DNAJC3: variants seen among roughly 807,000 people sequenced by gnomAD.
DNAJC3 encodes the protein dnaJ homolog subfamily C member 3.
A neutral mutation model predicts 68.6 loss-of-function variants in DNAJC3; 38 were observed. The observed-to-expected ratio is 0.55, with a 90% confidence interval of 0.43 to 0.73. The LOEUF (loss-of-function observed/expected upper bound fraction) is 0.73. Ranked by LOEUF, DNAJC3 falls within the 30% of genes least tolerant of loss-of-function variation. DNAJC3 has a pLI of 0.00. For synonymous variants in DNAJC3, 203 were observed against 204.0 expected (o/e 1.00, Z 0.04); for missense variants, 526 against 591.9 (o/e 0.89, Z 1.16).
intron 1 of DNAJC3, among the ~76,000 whole-genome samples, chr13:95,701,643 T>A (rs1880588605): frequency 6.6e-6 from 1 of 152,224 alleles, no homozygotes; most frequent in South Asian, 2.1e-4. Flanking sequence ...GAGGTATACA[T>A]ATGAAACAAC....
intron 4 of DNAJC3, among the ~76,000 whole-genome samples, chr13:95,734,389 T>G (rs9584319): frequency 0.031 from 4,757 of 152,332 alleles, 245 homozygotes; most frequent in African/African-American, 0.11. Flanking sequence ...ATAATCCCGA[T>G]AGTCCAATGG....
intron 9 of DNAJC3, among the ~76,000 whole-genome samples, chr13:95,765,567 GTTTTTTTT>G: frequency 9.8e-6 from 1 of 102,336 alleles, no homozygotes; most frequent in East Asian, 2.9e-4. Context: ...TAATTGATCT[GTTTTTTTT>G]TTTTTTTTTT....
intron 9 of DNAJC3, among the ~76,000 whole-genome samples, chr13:95,773,622 G>A (rs985850797): frequency 4.6e-5 from 7 of 150,724 alleles, no homozygotes; most frequent in Admixed American, 4.0e-4. Flanking sequence ...ATTATTTAAT[G>A]TCTATAAGGT....
chr13:95,756,574 T>C (rs193087424), intron 4 of DNAJC3, among the ~76,000 whole-genome samples: 1 of 152,324 alleles, frequency 6.6e-6, no homozygotes, highest in East Asian at 1.9e-4. Flanking sequence ...AGGTTGGTAG[T>C]GGGAGTATAT....
intron 1 of DNAJC3, among the ~76,000 whole-genome samples, chr13:95,685,047 C>T (rs910009525): frequency 1.3e-5 from 2 of 152,276 alleles, no homozygotes; most frequent in African/African-American, 2.4e-5. Context: ...CACTGGGGCA[C>T]TGCCTAGTGG....
intron 4 of DNAJC3, among the ~76,000 whole-genome samples, chr13:95,756,355 C>T (rs1882661471): frequency 6.6e-6 from 1 of 152,168 alleles, no homozygotes; most frequent in Admixed American, 6.5e-5. Context: ...CCGGGAAACC[C>T]TCCCCCAGAG....
rs1320706180 is a variant in DNAJC3 at position 95,793,840 on chromosome 13, CTT to C, written c.*2811_*2812del. On this transcript the variant is annotated 3_prime_UTR_variant, in exon 12 of 12. Coordinates refer to ENST00000602402, the MANE Select transcript of DNAJC3 (RefSeq NM_006260.5). The stretch of plus-strand genomic sequence containing the variant: ...CTAGCCACAGCTGTTGTATTCTGCT[CTT>C]CTTTCCTTTTTGGTGAGCTTCATGG... 1.3e-5 allele frequency: 2 copies of C among 152,246 alleles called. No homozygotes were observed. Among genetic ancestry groups the C allele is most frequent in the Admixed American group, 6.6e-5 (1 of 15,266 alleles). 9.4% of individuals were successfully genotyped at this position (152,246 alleles called of 1,614,324 possible). A position where few individuals can be genotyped will look rare whatever the true frequency, so the allele number is the denominator to read the frequency against.
chr13:95,702,490 A>C (rs907405387), intron 1 of DNAJC3, among the ~76,000 whole-genome samples: 1 of 152,192 alleles, frequency 6.6e-6, no homozygotes, highest in Non-Finnish European at 1.5e-5. Flanking sequence ...GTTGAAACCT[A>C]ATCTGATGTG....
chr13:95,737,501 CTGT>C (rs1361508022), intron 4 of DNAJC3, among the ~76,000 whole-genome samples: 2 of 151,594 alleles, frequency 1.3e-5, no homozygotes, highest in African/African-American at 4.9e-5. Flanking sequence ...ATTTCAGCTC[CTGT>C]TATTGGTCTA....
rs151274177 is a variant in DNAJC3, at chr13:95,714,114, G to A, written c.193+4777G>A. On this transcript the variant is annotated intron_variant, in intron 2 of 11. Transcript: ENST00000602402. ...AAAAGGGAAACATTTTAATCTTGGCGTTGCCACTGGGTAATCCTGTGACAT... is the reference window on the plus strand; with the variant it reads ...AAAAGGGAAACATTTTAATCTTGGCATTGCCACTGGGTAATCCTGTGACAT... Among the ~76,000 whole-genome samples the A allele has an allele frequency of 2.4e-3, 358 of 152,282 alleles. 5 individuals are homozygous for A. The highest frequency in any genetic ancestry group is 0.01 in the Middle Eastern group (3 of 294).
chr13:95,736,143 GT>G (rs1881909557), intron 4 of DNAJC3, among the ~76,000 whole-genome samples: 1 of 151,942 alleles, frequency 6.6e-6, no homozygotes, highest in Admixed American at 6.6e-5. Context: ...GATATGCGGC[GT>G]TATTTCTGAG....
chr13:95,688,923 TGTGG>T (rs199741186), intron 1 of DNAJC3, among the ~76,000 whole-genome samples: 97 of 102,508 alleles, frequency 9.5e-4, no homozygotes, highest in Non-Finnish European at 1.2e-3. Context: ...CATTTGATTG[TGTGG>T]GTGTGTGTGT....
chr13:95,696,528 G>A (rs1463504777), intron 1 of DNAJC3, among the ~76,000 whole-genome samples: 1 of 152,162 alleles, frequency 6.6e-6, no homozygotes, highest in Non-Finnish European at 1.5e-5. Context: ...TTTTGGGGAT[G>A]CTGTCACTCA....
intron 1 of DNAJC3, among the ~76,000 whole-genome samples, chr13:95,691,095 G>A (rs1270908009): frequency 1.4e-5 from 2 of 146,512 alleles, no homozygotes; most frequent in South Asian, 2.2e-4. Flanking sequence ...GGGCGGCCGG[G>A]CAGAGGCGCC....
chr13:95,742,615 C>CTCT (rs367627476), intron 4 of DNAJC3: 331 of 500,644 alleles, frequency 6.6e-4, no homozygotes, highest in African/African-American at 5.4e-3. Flanking sequence ...CCTCACTTCT[C>CTCT]TCTTCTTCTT....
intron 5 of DNAJC3, among the ~76,000 whole-genome samples, chr13:95,758,617 CAAA>C (rs34861867): frequency 2.6e-4 from 36 of 137,078 alleles, no homozygotes; most frequent in African/African-American, 4.5e-4. Flanking sequence ...GACTCCGTCT[CAAA>C]AAAAAAAAAA....
chr13:95,778,158 A>G (rs2139690099), intron 9 of DNAJC3, among the ~76,000 whole-genome samples: 1 of 152,346 alleles, frequency 6.6e-6, no homozygotes, highest in Admixed American at 6.5e-5. Context: ...TTCTGAAAAT[A>G]GAAAAAAACC....
At chr13:95,680,334 T>C (rs1879879311) in intron 1 of DNAJC3, among the ~76,000 whole-genome samples, 1 of 152,208 alleles carries the variant, frequency 6.6e-6, no homozygotes, top group African/African-American at 2.4e-5. Flanking sequence ...GGGAAAAGAA[T>C]AGTTGAAAAT....
At chr13:95,778,847 T>G (rs1028614641) in intron 9 of DNAJC3, among the ~76,000 whole-genome samples, 1 of 152,210 alleles carries the variant, frequency 6.6e-6, no homozygotes, top group African/African-American at 2.4e-5. Context: ...TGTTTTATGG[T>G]AGGTTATGTC....
Sources: gnomAD v4.1 joint callset for allele counts (sites outside exome capture counted in the v4.1 genomes callset) on GRCh38, gnomAD v4.1.1 for gene constraint, MANE v1.5 for transcripts, NCBI Gene and HGNC (gene_info 2026-07-23, HGNC 2026-07-21) for gene names.